The following RBM48 variants were observed in gnomAD, a reference collection of about 807,000 sequenced individuals.
RBM48 encodes the protein RNA binding motif protein 48.
A neutral mutation model predicts 34.8 loss-of-function variants in RBM48; 32 were observed. The observed-to-expected ratio is 0.92, with a 90% CI of 0.69 to 1.23. The LOEUF (loss-of-function observed/expected upper bound fraction) is 1.23. RBM48 is among the 50% of genes most tolerant of loss of function. The pLI is 0.00. For synonymous variants in RBM48, 151 were observed against 156.2 expected, an observed-to-expected ratio of 0.97 and a Z score of 0.25; for missense variants, 441 against 447.2, an observed-to-expected ratio of 0.99 and a Z score of 0.12.
At position 92,539,020 on chromosome 7, in the gene RBM48, A is replaced by G. The variant is rs1285255649; in HGVS notation, c.*2083A>G. On this transcript the variant is annotated 3_prime_UTR_variant, in exon 5 of 5. Transcript: ENST00000265732. ...CAGCAAAACAAAACAAAAAGATTCA[A>G]ATTAAGTTGGTTTGGGTGGGGCCTG... Among the ~76,000 whole-genome samples, 6 of 152,212 alleles carry G rather than the reference A, an allele frequency of 3.9e-5. No homozygotes were observed. Among genetic ancestry groups the G allele is most frequent in the Non-Finnish European group, 8.8e-5 (6 of 68,042 alleles).
intron 3 of RBM48, among the ~76,000 whole-genome samples, chr7:92,533,567 T>C (rs1793627115): frequency 1.3e-5 from 2 of 152,370 alleles, no homozygotes; most frequent in South Asian, 4.1e-4. Flanking sequence ...GCTGTGCTGC[T>C]GACCTCAGAA....
intron 2 of RBM48, among the ~76,000 whole-genome samples, chr7:92,531,904 T>C (rs1423992989): frequency 1.3e-5 from 2 of 152,218 alleles, no homozygotes; most frequent in Non-Finnish European, 2.9e-5. Flanking sequence ...GTCATAGATG[T>C]TTAGTAAGTA....
chr7:92,534,645 A>G lies in RBM48; in HGVS notation c.692A>G (p.His231Arg). Reference sequence around the variant, plus strand: ...GACTCCTCTAAGGATGGTAGAAACCATCATAAAACAATGGGGCATTATAAC... The same window carrying G: ...GACTCCTCTAAGGATGGTAGAAACCGTCATAAAACAATGGGGCATTATAAC... ...APDSSKDGRNHHKTMGHYNHN... is the reference protein window; with the variant it reads ...APDSSKDGRNRHKTMGHYNHN... Residue 231 changes from histidine to arginine, a missense_variant, in exon 4 of 5, where the codon CAT becomes CGT. Coordinates refer to ENST00000265732, the MANE Select transcript of RBM48 (RefSeq NM_032120.4). The G allele has an allele frequency of 6.2e-7, 1 of 1,614,210 alleles. No homozygotes were observed. Among genetic ancestry groups the G allele is most frequent in the African/African-American group, 1.3e-5 (1 of 75,066 alleles).
chr7:92,530,715 A>G (rs1793552896), intron 2 of RBM48, among the ~76,000 whole-genome samples: 1 of 151,628 alleles, frequency 6.6e-6, no homozygotes. Flanking sequence ...CACAAGTATC[A>G]CTTGAACCCA....
chr7:92,528,904 C>G lies in RBM48; in HGVS notation c.91C>G (p.Arg31Gly), dbSNP rs756595682. 1.2e-6 allele frequency: 2 copies of G among 1,613,760 alleles called. No individual in the cohort carries two copies. The highest frequency in any genetic ancestry group is 1.7e-5 in the Admixed American group (1 of 60,002). ...CDTRAKYREGRRPRAVKVYTI... is the reference protein window; with the variant it reads ...CDTRAKYREGGRPRAVKVYTI... Reference sequence around the variant, plus strand: ...CACACGGGCCAAATATCGAGAGGGACGACGGCCTCGTGCTGTGAAGGTAAA... The same window carrying G: ...CACACGGGCCAAATATCGAGAGGGAGGACGGCCTCGTGCTGTGAAGGTAAA... Residue 31 changes from arginine to glycine, a missense_variant, in exon 1 of 5, where the codon CGA (arginine) becomes GGA (glycine). Physicochemically the swap from Arg to Gly is moderately radical, Grantham distance 125. Coordinates refer to ENST00000265732, the MANE Select transcript of RBM48 (RefSeq NM_032120.4).
At chr7:92,530,895 C>T (rs540034419) in intron 2 of RBM48, among the ~76,000 whole-genome samples, 16 of 151,900 alleles carry the variant, frequency 1.1e-4, no homozygotes, top group Non-Finnish European at 2.4e-4. Context: ...GACTGGCCAA[C>T]ATGGCCAGTA....
intron 2 of RBM48, among the ~76,000 whole-genome samples, chr7:92,530,043 G>A (rs1054887255): frequency 1.3e-5 from 2 of 151,836 alleles, no homozygotes; most frequent in African/African-American, 4.8e-5. Flanking sequence ...TGGGTCTAGT[G>A]GCGCAGGCCT....
chr7:92,533,217 T>G (rs1411584941), intron 3 of RBM48, among the ~76,000 whole-genome samples: 1 of 152,224 alleles, frequency 6.6e-6, no homozygotes, highest in African/African-American at 2.4e-5. Flanking sequence ...TCCCCAGTCA[T>G]CTGCAGACAT....
rs373233331 is a variant in RBM48 at position 92,532,541 on chromosome 7, A to C, written c.440A>C (p.Glu147Ala). 5.0e-6 allele frequency: 8 copies of C among 1,609,812 alleles called. No individual in the cohort carries two copies. Among genetic ancestry groups the C allele is most frequent in the African/African-American group, 2.7e-5 (2 of 74,636 alleles). Reference sequence around the variant, plus strand: ...AAGGCATATGTAGTAAAAACTACTGAAAATAAAGGTATGGAAAGCATATTG... The same window carrying C: ...AAGGCATATGTAGTAAAAACTACTGCAAATAAAGGTATGGAAAGCATATTG... Reference protein sequence around the residue: ...MRKAYVVKTTENKDHYVTKKK... With the variant: ...MRKAYVVKTTANKDHYVTKKK... The change falls in exon 3 of 5, where the codon GAA (glutamate) becomes GCA (alanine). Residue 147 changes from glutamate (E) to alanine (A), a missense_variant. Transcript: ENST00000265732.
In RBM48 at chr7:92,532,616, A is replaced by G. The variant is rs535649928; in HGVS notation, c.448+67A>G. 140 of 1,170,830 alleles carry G rather than the reference A, an allele frequency of 1.2e-4. 1 individual carries two copies. The South Asian group carries it at 1.5e-3, about 13-fold the overall frequency. 72.5% of individuals were successfully genotyped at this position (1,170,830 alleles called of 1,614,324 possible). A position where few individuals can be genotyped will look rare whatever the true frequency, so the allele number is the denominator to read the frequency against. On this transcript the variant is annotated intron_variant, in intron 3 of 4. Coordinates refer to ENST00000265732, the MANE Select transcript of RBM48 (RefSeq NM_032120.4). ...ACTCTGCCAGGTGTGTCATCATGCA[A>G]TTCCCAGTCTAGTGGTAGGAGAGGC...
At position 92,537,029 on chromosome 7, in the gene RBM48, G is replaced by A. The variant is rs554348991; in HGVS notation, c.*92G>A. On this transcript the variant is annotated 3_prime_UTR_variant, in exon 5 of 5. Transcript: ENST00000265732. ...AATTCTTCAAGAGATTTTACTGCTG[G>A]TATTTTTTAATGCACTCCTCTTTGT... is the stretch of plus-strand genomic sequence containing the variant. 3.1e-4 allele frequency: 290 copies of A among 925,492 alleles called. 6 individuals carry two copies. Among genetic ancestry groups the A allele is most frequent in the South Asian group, 2.8e-3 (155 of 55,736 alleles). The allele number at this position is 925,492 out of a possible 1,614,324, so 57.3% of individuals were successfully genotyped here. A position where few individuals can be genotyped will look rare whatever the true frequency, so the allele number is the denominator to read the frequency against.
chr7:92,529,308 GTTATTC>G, intron 1 of RBM48, 162 bp from the exon 2 acceptor site: 1 of 590,424 alleles, frequency 1.7e-6, no homozygotes, highest in East Asian at 2.8e-5. Flanking sequence ...CACATGGACT[GTTATTC>G]TTTATGCAGA....
intron 4 of RBM48, chr7:92,535,665 C>T (rs1793693832): frequency 3.0e-6 from 3 of 984,836 alleles, no homozygotes; most frequent in South Asian, 4.7e-5. Flanking sequence ...CTTATACTTA[C>T]TCCAAGATGC....
rs199771241 is a variant in RBM48 at position 92,534,687 on chromosome 7, G to A, written c.734G>A (p.Arg245Gln). Reference protein sequence around the residue: ...MGHYNHNDSLRKTQINSLKNS... With the variant: ...MGHYNHNDSLQKTQINSLKNS... ...CATTATAACCACAATGACTCTTTGCGGAAAACACAGATAAACTCTTTGAAA... is the reference window on the plus strand; with the variant it reads ...CATTATAACCACAATGACTCTTTGCAGAAAACACAGATAAACTCTTTGAAA... Residue 245 changes from arginine to glutamine, a missense_variant, in exon 4 of 5, where the codon CGG (arginine) becomes CAG (glutamine). By Grantham distance (43) the Arg-to-Gln change is conservative (BLOSUM62 1). Coordinates refer to ENST00000265732, the MANE Select transcript of RBM48 (RefSeq NM_032120.4). The A allele has an allele frequency of 1.6e-4, 253 of 1,614,128 alleles. No individual in the cohort carries two copies. The highest frequency in any genetic ancestry group is 1.9e-4 in the Non-Finnish European group (226 of 1,180,030).
rs1793769824 is a variant in RBM48 at position 92,538,188 on chromosome 7, G to A, written c.*1251G>A. 6.6e-6 allele frequency among the ~76,000 whole-genome samples: 1 copy of A among 152,224 alleles called. No homozygotes were observed. Among genetic ancestry groups the A allele is most frequent in the African/African-American group, 2.4e-5 (1 of 41,458 alleles). ...AAGAAGAGGCTTTATTCGGCCAGGAGCGTCGGCAGACTTGTGTCTCAAGAA... is the reference window on the plus strand; with the variant it reads ...AAGAAGAGGCTTTATTCGGCCAGGAACGTCGGCAGACTTGTGTCTCAAGAA... On this transcript the variant is annotated 3_prime_UTR_variant, in exon 5 of 5. Coordinates refer to ENST00000265732, the MANE Select transcript of RBM48 (RefSeq NM_032120.4).
chr7:92,529,233 C>T, intron 1 of RBM48: 2 of 573,220 alleles, frequency 3.5e-6, no homozygotes, highest in Non-Finnish European at 6.1e-6. Context: ...GTGACTTCTA[C>T]CGACTCAATT....
In RBM48 at chr7:92,534,748, T is replaced by C. The variant is rs1159813323; in HGVS notation, c.795T>C (p.Ile265=). Residue 265 remains isoleucine (I), a synonymous_variant, in exon 4 of 5, where the codon ATT becomes ATC. Transcript: ENST00000265732. ...SVACPGAQKA[I]TSSEAVDRFM... ...CCTGCCCTGGTGCACAAAAGGCTAT[T>C]ACGTCTTCAGAGGCAGTTGACAGAT... The C allele has an allele frequency of 6.2e-7, 1 of 1,614,160 alleles. No individual in the cohort carries two copies. Among genetic ancestry groups the C allele is most frequent in the South Asian group, 1.1e-5 (1 of 91,082 alleles).
At chr7:92,535,915 G>C (rs1420097016) in intron 4 of RBM48, 2 of 671,534 alleles carry the variant, frequency 3.0e-6, no homozygotes, top group Non-Finnish European at 3.7e-6. Context: ...TGAGCAGATT[G>C]CTTGAGCCCA....
intron 2 of RBM48, 50 bp downstream of exon 2, chr7:92,529,716 A>G: frequency 2.4e-6 from 3 of 1,233,996 alleles, no homozygotes; most frequent in Non-Finnish European, 2.3e-6. Context: ...TTCCATTCAT[A>G]TTTCTGTCAT....
Sources: gnomAD v4.1 joint callset for allele counts (sites outside exome capture counted in the v4.1 genomes callset) on GRCh38, gnomAD v4.1.1 for gene constraint, MANE v1.5 for transcripts, NCBI Gene and HGNC (gene_info 2026-07-23, HGNC 2026-07-21) for gene names.